GRB14: variants seen among roughly 807,000 people sequenced by gnomAD.
GRB14 encodes growth factor receptor-bound protein 14.
A neutral mutation model predicts 69.1 loss-of-function variants in GRB14; 38 were observed. That is an observed-to-expected ratio of 0.55 (90% CI 0.42 to 0.72). The LOEUF (loss-of-function observed/expected upper bound fraction) is 0.72, where lower values mean the gene tolerates loss of function less well. Among genes scored for constraint, GRB14 ranks in the 30% least tolerant of loss-of-function variants. GRB14 has a pLI of 0.00. For synonymous variants in GRB14, 247 were observed against 241.3 expected (o/e 1.02, Z -0.22); for missense variants, 666 against 666.1 (o/e 1.00, Z 0.00).
intron 1 of GRB14, among the ~76,000 whole-genome samples, chr2:164,620,518 GA>G (rs35214416): frequency 3.3e-5 from 5 of 151,036 alleles, no homozygotes; most frequent in African/African-American, 1.2e-4. Flanking sequence ...TGAAAATCAG[GA>G]AAAAAAAAGT....
chr2:164,566,083 C>A (rs7564873), intron 2 of GRB14, among the ~76,000 whole-genome samples: 6,904 of 152,150 alleles, frequency 0.045, 523 homozygotes, highest in African/African-American at 0.15. Flanking sequence ...AACTTTACAC[C>A]AAACCTGTGG....
chr2:164,494,409 T>C lies in GRB14; in HGVS notation c.1476+22A>G, dbSNP rs779362661. 45 of 1,226,132 alleles carry C rather than the reference T, an allele frequency of 3.7e-5. 3 individuals are homozygous for C. In the South Asian group the frequency reaches 4.1e-4, roughly 11 times the overall value. The allele number at this position is 1,226,132 out of a possible 1,614,324, so 76.0% of individuals were successfully genotyped here. A position where few individuals can be genotyped will look rare whatever the true frequency, so the allele number is the denominator to read the frequency against. On this transcript the variant is annotated intron_variant, in intron 13 of 13. Coordinates refer to ENST00000263915, the MANE Select transcript of GRB14 (RefSeq NM_004490.3). ...ATTAAGGTCATTTCTAATACACAAA[T>C]GTGAAATCACGAATTACTTACTGGT...
In GRB14 at chr2:164,522,223, A is replaced by C; in HGVS notation, c.679-106T>G. 1.3e-5 allele frequency: 9 copies of C among 679,466 alleles called. No homozygotes were observed. In the South Asian group the frequency reaches 1.7e-4, roughly 13 times the overall value. 42.1% of individuals were successfully genotyped at this position (679,466 alleles called of 1,614,324 possible). ...AATATAAACATGTAAAAATCACACA[A>C]GATCATAACATATAACATTATGGTA... On this transcript the variant is annotated intron_variant, in intron 5 of 13. Transcript: ENST00000263915.
intron 2 of GRB14, among the ~76,000 whole-genome samples, chr2:164,597,638 G>A (rs1689815635): frequency 6.6e-6 from 1 of 151,920 alleles, no homozygotes; most frequent in Admixed American, 6.6e-5. Flanking sequence ...TAGAGAAGAA[G>A]AAAGGCAGGG....
At chr2:164,513,682 T>C (rs1687400172) in intron 6 of GRB14, among the ~76,000 whole-genome samples, 1 of 152,222 alleles carries the variant, frequency 6.6e-6, no homozygotes, top group Non-Finnish European at 1.5e-5. Context: ...AAGCAAGATT[T>C]AGCAGACTAT....
intron 3 of GRB14, among the ~76,000 whole-genome samples, chr2:164,537,544 A>C (rs925645820): frequency 2.0e-5 from 3 of 152,196 alleles, no homozygotes; most frequent in African/African-American, 7.2e-5. Flanking sequence ...AGGACCTTGG[A>C]TCCAAATGCA....
intron 2 of GRB14, among the ~76,000 whole-genome samples, chr2:164,604,858 C>T (rs75175819): frequency 0.013 from 1,970 of 152,070 alleles, 27 homozygotes; most frequent in African/African-American, 0.038. Flanking sequence ...GGGGCCGAGA[C>T]GGAGAAGAGA....
intron 2 of GRB14, among the ~76,000 whole-genome samples, chr2:164,563,097 A>G (rs753981300): frequency 1.3e-5 from 2 of 151,852 alleles, no homozygotes; most frequent in Non-Finnish European, 2.9e-5. Context: ...AAGCAAGTCC[A>G]CCATCTAAAC....
chr2:164,552,711 G>T (rs2105315053), intron 2 of GRB14, among the ~76,000 whole-genome samples: 1 of 152,286 alleles, frequency 6.6e-6, no homozygotes, highest in South Asian at 2.1e-4. Context: ...GCCCTATGAT[G>T]TCAAGGTCTA....
rs1187185864 is a variant in GRB14 at position 164,619,764 on chromosome 2, G to C, written c.247C>G (p.Pro83Ala). The change falls in exon 2 of 14, where the codon CCT (proline) becomes GCT (alanine). Residue 83 changes from proline (P) to alanine (A), a missense_variant. By Grantham distance (27) the Pro-to-Ala change is conservative. Coordinates refer to ENST00000263915, the MANE Select transcript of GRB14 (RefSeq NM_004490.3). ...GTAAATGGAGAACAGCATAGCTCAG[G>C]AAAAGGGTTTGGAATAGATGGCATT... Reference protein sequence around the residue: ...PEMPSIPNPFPELCCSPFTSV... With the variant: ...PEMPSIPNPFAELCCSPFTSV... 6.2e-7 allele frequency: 1 copy of C among 1,610,696 alleles called. No individual in the cohort carries two copies. The highest frequency in any genetic ancestry group is 8.5e-7 in the Non-Finnish European group (1 of 1,177,778).
chr2:164,517,701 A>G (rs1266172241), intron 6 of GRB14, among the ~76,000 whole-genome samples: 1 of 152,178 alleles, frequency 6.6e-6, no homozygotes, highest in African/African-American at 2.4e-5. Flanking sequence ...ACCAAAAGAG[A>G]GCAGGAATAG....
intron 2 of GRB14, among the ~76,000 whole-genome samples, chr2:164,572,295 A>G (rs1689141422): frequency 1.3e-5 from 2 of 152,206 alleles, no homozygotes; most frequent in South Asian, 2.1e-4. Flanking sequence ...CTCTTCTCCC[A>G]CTCAACTTCA....
Position 164,497,225 on chromosome 2 carries a change from G to C in GRB14, c.1280C>G (p.Ser427Cys), listed in dbSNP as rs1457436581. The change falls in exon 11 of 14, where the codon TCT becomes TGT. Residue 427 changes from serine (S) to cysteine (C), a missense_variant. Transcript: ENST00000263915. The part of the protein sequence containing the change: ...HGSPTASSQS[S>C]ATNMAIHRSQ... ...AACAGACATACCCATGTTTGTGGCA[G>C]AGCTCTGTGAAGAGGCAGTGGGGCT... 3 of 1,613,594 alleles carry C rather than the reference G, an allele frequency of 1.9e-6. No homozygotes were observed. The highest frequency in any genetic ancestry group is 2.5e-6 in the Non-Finnish European group (3 of 1,179,704).
At chr2:164,606,088 G>A (rs1424573900) in intron 2 of GRB14, among the ~76,000 whole-genome samples, 1 of 152,096 alleles carries the variant, frequency 6.6e-6, no homozygotes, top group Admixed American at 6.6e-5. Flanking sequence ...TTTAATATAA[G>A]AATGTTTTTC....
intron 6 of GRB14, among the ~76,000 whole-genome samples, chr2:164,521,261 A>G (rs1424664437): frequency 6.6e-6 from 1 of 152,152 alleles, no homozygotes; most frequent in Non-Finnish European, 1.5e-5. Context: ...GAAGTAACTC[A>G]GGAATGTAAA....
chr2:164,574,233 A>C (rs1324338772), intron 2 of GRB14, among the ~76,000 whole-genome samples: 2 of 151,888 alleles, frequency 1.3e-5, no homozygotes, highest in Non-Finnish European at 2.9e-5. Flanking sequence ...ATTGAGAGGA[A>C]AAATTATCTT....
At chr2:164,590,167 A>G (rs1689629253) in intron 2 of GRB14, among the ~76,000 whole-genome samples, 1 of 152,122 alleles carries the variant, frequency 6.6e-6, no homozygotes, top group South Asian at 2.1e-4. Flanking sequence ...TATTTTTCCT[A>G]AGGAATAAAT....
intron 2 of GRB14, among the ~76,000 whole-genome samples, chr2:164,558,858 A>G (rs139897352): frequency 6.6e-6 from 1 of 152,328 alleles, no homozygotes; most frequent in African/African-American, 2.4e-5. Context: ...GAGGTGGAGA[A>G]AGATACTGTT....
At chr2:164,570,173 G>T (rs553985532) in intron 2 of GRB14, among the ~76,000 whole-genome samples, 1 of 151,310 alleles carries the variant, frequency 6.6e-6, no homozygotes, top group Non-Finnish European at 1.5e-5. Flanking sequence ...TACTCGGAAG[G>T]CTGAGAGGCA....
Sources: allele counts gnomAD v4.1 joint callset (sites outside exome capture counted in the v4.1 genomes callset), GRCh38; gene constraint gnomAD v4.1.1; transcripts MANE v1.5; gene names NCBI Gene and HGNC (gene_info 2026-07-23, HGNC 2026-07-21).